The following KANK4 variants were observed in gnomAD, a reference collection of about 807,000 sequenced individuals.
The protein encoded by KANK4 is KN motif and ankyrin repeat domain-containing protein 4.
KANK4 carries 50 observed loss-of-function variants against 80.8 expected under a neutral mutation model. The observed-to-expected ratio is 0.62, with a 90% CI of 0.49 to 0.78. The LOEUF (loss-of-function observed/expected upper bound fraction) is 0.78. Ranked by LOEUF, KANK4 falls within the 30% of genes least tolerant of loss-of-function variation. KANK4 has a pLI of 0.00. For missense variants in KANK4, 1,196 were observed against 1,240.1 expected (o/e 0.96, Z 0.53); for synonymous variants, 465 against 506.9 (o/e 0.92, Z 1.11).
intron 1 of KANK4, among the ~76,000 whole-genome samples, chr1:62,292,866 G>A (rs930170280): frequency 6.6e-6 from 1 of 152,168 alleles, no homozygotes; most frequent in Non-Finnish European, 1.5e-5. Flanking sequence ...CCTTGGGCAA[G>A]TTAACTAACT....
At chr1:62,280,404 G>T (rs1178718077) in intron 2 of KANK4, among the ~76,000 whole-genome samples, 1 of 152,212 alleles carries the variant, frequency 6.6e-6, no homozygotes, top group East Asian at 1.9e-4. Context: ...GAATGAGTGG[G>T]TGTTCTGTGG....
intron 2 of KANK4, among the ~76,000 whole-genome samples, chr1:62,277,297 A>G (rs1442785454): frequency 6.6e-6 from 1 of 152,252 alleles, no homozygotes; most frequent in Non-Finnish European, 1.5e-5. Flanking sequence ...TTTACATAAA[A>G]GTGACATAAG....
chr1:62,247,672 C>G lies in KANK4; in HGVS notation c.2683G>C (p.Gly895Arg). The G allele has an allele frequency of 6.2e-7, 1 of 1,613,176 alleles. No homozygotes were observed. The highest frequency in any genetic ancestry group is 1.3e-5 in the African/African-American group (1 of 74,930). Residue 895 changes from glycine to arginine, a missense_variant and splice_region_variant, in exon 9 of 10, where the codon GGA (glycine) becomes CGA (arginine). This residue lies in a region of KANK4 where 1,154 missense variants were observed against 1,179.6 expected (regional missense o/e 0.98). Coordinates refer to ENST00000371153, the MANE Select transcript of KANK4 (RefSeq NM_181712.5). The part of the protein sequence containing the change: ...EGNVNIQATQ[G>R]GQTALMLGVS... ...CCCAGCATCAGCGCAGTCTGGCCTC[C>G]CTGCATGCAGAGCCACAGGGATGTG... is the stretch of plus-strand genomic sequence containing the variant.
At chr1:62,243,846 C>T (rs1430677275) in intron 9 of KANK4, among the ~76,000 whole-genome samples, 1 of 152,218 alleles carries the variant, frequency 6.6e-6, no homozygotes, top group Non-Finnish European at 1.5e-5. Context: ...CTTCTCCCTT[C>T]AGGGGTCAGT....
chr1:62,268,290 T>C lies in KANK4; in HGVS notation c.2228A>G (p.Glu743Gly). The C allele has an allele frequency of 6.2e-7, 1 of 1,613,398 alleles. No homozygotes were observed. The highest frequency in any genetic ancestry group is 8.5e-7 in the Non-Finnish European group (1 of 1,179,856). ...PGEEVPHSKAERYKPSEEFLN... is the reference protein window; with the variant it reads ...PGEEVPHSKAGRYKPSEEFLN... ...GCGTTTGTGTCCATTTGCTCACCTCTCGGCCTTGGAGTGGGGGACTTCTTC... is the reference window on the plus strand; with the variant it reads ...GCGTTTGTGTCCATTTGCTCACCTCCCGGCCTTGGAGTGGGGGACTTCTTC... The change falls in exon 5 of 10, where the codon GAG becomes GGG. Residue 743 changes from glutamate to glycine, a missense_variant. Glu to Gly is a moderately conservative substitution (Grantham distance 98). Coordinates refer to ENST00000371153, the MANE Select transcript of KANK4 (RefSeq NM_181712.5).
At chr1:62,259,002 G>C (rs1292066809) in intron 7 of KANK4, among the ~76,000 whole-genome samples, 1 of 152,070 alleles carries the variant, frequency 6.6e-6, no homozygotes, top group African/African-American at 2.4e-5. Flanking sequence ...GGAAGGAGGA[G>C]AGCGTGGTGG....
Position 62,271,238 on chromosome 1 carries a change from C to T in KANK4, c.2012+240G>A, listed in dbSNP as rs548489077. 3.3e-5 allele frequency among the ~76,000 whole-genome samples: 5 copies of T among 152,302 alleles called. No homozygotes were observed. The South Asian group carries it at 1.0e-3, about 32-fold the overall frequency. Reference sequence around the variant, plus strand: ...AAAACTCCCAGAAGCCACCTGGAGTCCTGGCCCTGGGGAAGACCAAAGCCA... The same window carrying T: ...AAAACTCCCAGAAGCCACCTGGAGTTCTGGCCCTGGGGAAGACCAAAGCCA... On this transcript the variant is annotated intron_variant, in intron 4 of 9. Coordinates refer to ENST00000371153, the MANE Select transcript of KANK4 (RefSeq NM_181712.5).
chr1:62,305,879 AATT>A (rs1273199461), intron 1 of KANK4, among the ~76,000 whole-genome samples: 1 of 152,178 alleles, frequency 6.6e-6, no homozygotes, highest in Admixed American at 6.6e-5. Flanking sequence ...TGAAGGAAGG[AATT>A]ATCATCTCCA....
chr1:62,275,901 AG>A (rs1672302449), intron 2 of KANK4, among the ~76,000 whole-genome samples: 1 of 139,012 alleles, frequency 7.2e-6, no homozygotes, highest in Non-Finnish European at 1.5e-5. Flanking sequence ...AGGAAGGGGA[AG>A]GGGAAGGGGA....
chr1:62,269,983 T>G (rs1243203510), intron 4 of KANK4, among the ~76,000 whole-genome samples: 1 of 152,234 alleles, frequency 6.6e-6, no homozygotes, highest in South Asian at 2.1e-4. Flanking sequence ...AAAGCTCCCC[T>G]GGTGTTTCCA....
intron 1 of KANK4, among the ~76,000 whole-genome samples, chr1:62,314,052 C>T (rs952079692): frequency 1.3e-5 from 2 of 152,046 alleles, no homozygotes; most frequent in African/African-American, 2.4e-5. Context: ...TTGCTCTTGC[C>T]GCCCAGGCTG....
intron 1 of KANK4, among the ~76,000 whole-genome samples, chr1:62,292,820 C>T (rs1402878397): frequency 6.6e-6 from 1 of 152,192 alleles, no homozygotes; most frequent in Non-Finnish European, 1.5e-5. Flanking sequence ...ATCCAACAGA[C>T]ACGGGTTCAA....
chr1:62,304,561 T>TC (rs1026805345), intron 1 of KANK4, among the ~76,000 whole-genome samples: 2 of 151,604 alleles, frequency 1.3e-5, no homozygotes, highest in Non-Finnish European at 2.9e-5. Context: ...GTCTGCCCCC[T>TC]CCACTGACCT....
At position 62,273,867 on chromosome 1, in the gene KANK4, T is replaced by C. The variant is rs777991885; in HGVS notation, c.1237A>G (p.Met413Val). The change falls in exon 3 of 10, where the codon ATG becomes GTG. Residue 413 changes from methionine (M) to valine (V), a missense_variant. Met to Val is a conservative substitution (Grantham distance 21). Around this residue, in one of 3 missense-constraint regions of KANK4, gnomAD observed 1,154 missense variants for 1,179.6 expected, o/e 0.98. Transcript: ENST00000371153. ...AKDTQGQTDV[M>V]VNTDPVHGLL... ...CCATGGACAGGGTCAGTGTTCACCA[T>C]CACGTCCGTCTGGCCCTGAGTGTCT... 5.6e-6 allele frequency: 9 copies of C among 1,614,064 alleles called. No individual in the cohort carries two copies. In the African/African-American group the frequency reaches 9.3e-5, roughly 17 times the overall value.
In KANK4 at chr1:62,274,424, A is replaced by G. The variant is rs1557489979; in HGVS notation, c.680T>C (p.Leu227Pro). Reference protein sequence around the residue: ...SPRASTRIPELVQEGAEPPEG... With the variant: ...SPRASTRIPEPVQEGAEPPEG... ...TGGAGGCTCAGCTCCCTCCTGGACC[A>G]GCTCTGGAATCCGAGTTGATGCTCG... Residue 227 changes from leucine to proline, a missense_variant, in exon 3 of 10, where the codon CTG becomes CCG. Coordinates refer to ENST00000371153, the MANE Select transcript of KANK4 (RefSeq NM_181712.5). 5 of 1,614,236 alleles carry G rather than the reference A, an allele frequency of 3.1e-6. No individual in the cohort carries two copies. Among genetic ancestry groups the G allele is most frequent in the Non-Finnish European group, 4.2e-6 (5 of 1,180,036 alleles).
intron 1 of KANK4, among the ~76,000 whole-genome samples, chr1:62,294,617 A>G (rs147035860): frequency 3.6e-5 from 5 of 140,140 alleles, no homozygotes; most frequent in African/African-American, 1.4e-4. Context: ...AGTTTAAACC[A>G]AACTGAGGCT....
Position 62,274,309 on chromosome 1 carries a change from T to C in KANK4, c.795A>G (p.Glu265=). 6.2e-7 allele frequency: 1 copy of C among 1,614,210 alleles called. No individual in the cohort carries two copies. The highest frequency in any genetic ancestry group is 1.1e-5 in the South Asian group (1 of 91,084). The change falls in exon 3 of 10, where the codon GAA becomes GAG. Residue 265 remains glutamate, a synonymous_variant. Transcript: ENST00000371153. ...QNVLVVLEDK[E]DEHNAREAEV... Reference sequence around the variant, plus strand: ...CTGCTTCTCTGGCATTGTGTTCATCTTCCTTGTCCTCTAGAACTACAAGCA... The same window carrying C: ...CTGCTTCTCTGGCATTGTGTTCATCCTCCTTGTCCTCTAGAACTACAAGCA...
In KANK4 at chr1:62,274,367, G is replaced by A. The variant is rs1227397344; in HGVS notation, c.737C>T (p.Pro246Leu). The change falls in exon 3 of 10, where the codon CCT becomes CTT. Residue 246 changes from proline (P) to leucine (L), a missense_variant. Transcript: ENST00000371153. ...EGVVKVPNHLPLPGPPFSFQN... is the reference protein window; with the variant it reads ...EGVVKVPNHLLLPGPPFSFQN... ...GAATGAGAAAGGAGGGCCTGGGAGA[G>A]GGAGGTGATTTGGAACCTTCACCAC... 6.2e-7 allele frequency: 1 copy of A among 1,614,154 alleles called. No individual in the cohort carries two copies. The highest frequency in any genetic ancestry group is 8.5e-7 in the Non-Finnish European group (1 of 1,180,018).
intron 2 of KANK4, among the ~76,000 whole-genome samples, chr1:62,278,392 TCTTTC>T (rs1557493577): frequency 0.081 from 3,808 of 47,204 alleles, 908 homozygotes; most frequent in East Asian, 0.26. Context: ...TTTCTTTCTT[TCTTTC>T]TTTTTTTTTT....
Sources: allele counts gnomAD v4.1 joint callset (sites outside exome capture counted in the v4.1 genomes callset), GRCh38; gene constraint gnomAD v4.1.1; regional missense constraint gnomAD v4.1.1; transcripts MANE v1.5; gene names NCBI Gene and HGNC (gene_info 2026-07-23, HGNC 2026-07-21).